ATG7: variants seen among roughly 807,000 people sequenced by gnomAD.
ATG7 encodes autophagy related 7, also known as ubiquitin-like modifier-activating enzyme ATG7.
In ATG7, 70 loss-of-function variants were observed where a neutral mutation model predicts 82.4. The ratio of observed to expected loss-of-function variants is 0.85; its 90% CI spans 0.70 to 1.04. The LOEUF is 1.04. ATG7 is among the 50% of genes least tolerant of loss of function. ATG7 has a pLI of 0.00. For synonymous variants in ATG7, 287 were observed against 313.0 expected (o/e 0.92, Z 0.88); for missense variants, 792 against 864.3 (o/e 0.92, Z 1.05).
chr3:11,549,064 C>CT (rs151136027), intron 20 of ATG7, among the ~76,000 whole-genome samples: 400 of 147,048 alleles, frequency 2.7e-3, no homozygotes, highest in African/African-American at 8.0e-3. Flanking sequence ...CTCAGTGCAG[C>CT]TTTTTTTTTT....
intron 20 of ATG7, among the ~76,000 whole-genome samples, chr3:11,448,471 A>G (rs2084788506): frequency 1.3e-5 from 2 of 152,236 alleles, no homozygotes; most frequent in African/African-American, 4.8e-5. Flanking sequence ...TCTCTGCTTC[A>G]GGACATGTGC....
At chr3:11,445,789 C>T (rs1220739771) in intron 20 of ATG7, among the ~76,000 whole-genome samples, 1 of 152,152 alleles carries the variant, frequency 6.6e-6, no homozygotes, top group Non-Finnish European at 1.5e-5. Flanking sequence ...TTTCTGTGGT[C>T]CCTTATCCTT....
chr3:11,506,003 C>T (rs929567069), intron 20 of ATG7, among the ~76,000 whole-genome samples: 1 of 152,086 alleles, frequency 6.6e-6, no homozygotes, highest in Non-Finnish European at 1.5e-5. Context: ...ATGAGTATCA[C>T]GTAAAGTCAT....
intron 20 of ATG7, among the ~76,000 whole-genome samples, chr3:11,479,039 C>CACACACACACA (rs1384580179): frequency 6.7e-6 from 1 of 149,498 alleles, no homozygotes; most frequent in African/African-American, 2.5e-5. Flanking sequence ...CACACACACA[C>CACACACACACA]AATTTTTTAC....
intron 3 of ATG7, among the ~76,000 whole-genome samples, chr3:11,292,266 T>C (rs1351488070): frequency 6.6e-6 from 1 of 150,852 alleles, no homozygotes; most frequent in Non-Finnish European, 1.5e-5. Flanking sequence ...TTTTTTTTTT[T>C]TTTTGGAGAC....
At chr3:11,392,016 G>C (rs564332495) in intron 19 of ATG7, among the ~76,000 whole-genome samples, 1 of 152,048 alleles carries the variant, frequency 6.6e-6, no homozygotes, top group Non-Finnish European at 1.5e-5. Flanking sequence ...AATTGGTTAG[G>C]CTCCTTCAGG....
Position 11,376,031 on chromosome 3 carries a change from G to A in ATG7, c.1876-3941G>A, listed in dbSNP as rs138479259. 4.7e-3 allele frequency among the ~76,000 whole-genome samples: 721 copies of A among 152,336 alleles called. 1 individual carries two copies. The highest frequency in any genetic ancestry group is 7.6e-3 in the Non-Finnish European group (516 of 68,040). On this transcript the variant is annotated intron_variant, in intron 18 of 20. Transcript: ENST00000693202. ...ATAGCAACACAATTGAATATTATTT[G>A]GCAGTAAAGAGGAATGAAATGCTGA...
chr3:11,366,818 C>A (rs1251971517), intron 18 of ATG7, among the ~76,000 whole-genome samples: 1 of 152,016 alleles, frequency 6.6e-6, no homozygotes, highest in East Asian at 1.9e-4. Flanking sequence ...TGTTATTTAT[C>A]CCCATTGAGC....
chr3:11,530,119 G>T (rs1055787750), intron 20 of ATG7, among the ~76,000 whole-genome samples: 2 of 152,270 alleles, frequency 1.3e-5, no homozygotes, highest in Non-Finnish European at 2.9e-5. Flanking sequence ...CCTGAGAACT[G>T]GATGACCCAT....
At chr3:11,298,476 A>C (rs1017385936) in intron 3 of ATG7, among the ~76,000 whole-genome samples, 4 of 152,174 alleles carry the variant, frequency 2.6e-5, no homozygotes, top group Non-Finnish European at 5.9e-5. Context: ...ACTTAATATC[A>C]CCTAACTGTT....
downstream of ATG7, chr3:11,558,778 C>T: frequency 6.2e-7 from 1 of 1,614,036 alleles, no homozygotes; most frequent in Admixed American, 1.7e-5. Flanking sequence ...AATTCTTGCC[C>T]AGGCTCCTGC....
intron 9 of ATG7, among the ~76,000 whole-genome samples, chr3:11,330,862 A>G (rs1403119810): frequency 6.6e-6 from 1 of 152,090 alleles, no homozygotes; most frequent in Non-Finnish European, 1.5e-5. Context: ...GAGGGAGGAA[A>G]TATATGTTAG....
intron 18 of ATG7, among the ~76,000 whole-genome samples, chr3:11,374,583 T>C (rs2077251249): frequency 6.6e-6 from 1 of 152,128 alleles, no homozygotes; most frequent in African/African-American, 2.4e-5. Context: ...TAAGTAGGAC[T>C]GCACTAAAAT....
At chr3:11,536,168 G>C (rs1218602036) in intron 20 of ATG7, among the ~76,000 whole-genome samples, 2 of 152,240 alleles carry the variant, frequency 1.3e-5, no homozygotes, top group Non-Finnish European at 2.9e-5. Context: ...CCCCGGGCCA[G>C]GGGAGTGGGA....
intron 19 of ATG7, among the ~76,000 whole-genome samples, chr3:11,425,873 C>A (rs894700207): frequency 2.6e-5 from 4 of 152,164 alleles, no homozygotes; most frequent in African/African-American, 9.7e-5. Flanking sequence ...TTGCCTATTT[C>A]ATTTTAATTT....
At chr3:11,279,630 A>G (rs1942630674) in intron 1 of ATG7, among the ~76,000 whole-genome samples, 2 of 152,116 alleles carry the variant, frequency 1.3e-5, no homozygotes, top group Admixed American at 1.3e-4. Flanking sequence ...GTTGCAGTGA[A>G]GCCGAAATTG....
chr3:11,351,007 C>T (rs1314262788), intron 14 of ATG7, among the ~76,000 whole-genome samples: 2 of 151,168 alleles, frequency 1.3e-5, no homozygotes, highest in Non-Finnish European at 2.9e-5. Flanking sequence ...CCCAGACAGA[C>T]CTGGCTTTGA....
intron 20 of ATG7, among the ~76,000 whole-genome samples, chr3:11,541,306 T>C (rs2070814130): frequency 6.6e-6 from 1 of 152,220 alleles, no homozygotes; most frequent in African/African-American, 2.4e-5. Flanking sequence ...ATCTAATTGT[T>C]CCAGCAATGT....
At chr3:11,410,795 TTATC>T (rs2080821413) in intron 19 of ATG7, among the ~76,000 whole-genome samples, 1 of 152,236 alleles carries the variant, frequency 6.6e-6, no homozygotes, top group African/African-American at 2.4e-5. Context: ...TACATTTTGT[TTATC>T]CATTCATCCA....
Sources: gnomAD v4.1 joint callset for allele counts (sites outside exome capture counted in the v4.1 genomes callset) on GRCh38, gnomAD v4.1.1 for gene constraint, MANE v1.5 for transcripts, NCBI Gene and HGNC (gene_info 2026-07-23, HGNC 2026-07-21) for gene names.